CSMD1: variants seen among roughly 807,000 people sequenced by gnomAD.
CSMD1 encodes CUB and Sushi multiple domains 1.
In CSMD1, 213 loss-of-function variants were observed where a neutral mutation model predicts 417.5. The ratio of observed to expected loss-of-function variants is 0.51; its 90% confidence interval spans 0.46 to 0.57. The LOEUF (loss-of-function observed/expected upper bound fraction) is 0.57. Among genes scored for constraint, CSMD1 ranks in the 20% least tolerant of loss-of-function variants. The pLI is 0.00. For missense variants in CSMD1, 6,923 were observed against 4,529.7 expected (o/e 1.53, Z -15.17); for synonymous variants, 2,862 against 1,736.8 (o/e 1.65, Z -16.11).
chr8:3,556,270 C>G (rs1799136527), intron 10 of CSMD1, among the ~76,000 whole-genome samples: 2 of 151,254 alleles, frequency 1.3e-5, no homozygotes, highest in Non-Finnish European at 2.9e-5. Context: ...TAACCACCCT[C>G]ACCTCCCTAC....
intron 7 of CSMD1, among the ~76,000 whole-genome samples, chr8:3,685,941 C>T (rs1799923248): frequency 6.6e-6 from 1 of 151,932 alleles, no homozygotes; most frequent in African/African-American, 2.4e-5. Context: ...TTTAAAAGTA[C>T]AATTATTTTT....
Position 3,436,746 on chromosome 8 carries a change from G to A in CSMD1, c.1562-27141C>T, listed in dbSNP as rs559419255. ...AGTCTTTTCAACACATTGGCAATGA[G>A]CATTTTTAGGAGTAAGGCTTAAAAA... On this transcript the variant is annotated intron_variant, in intron 12 of 69. Coordinates refer to ENST00000635120, the MANE Select transcript of CSMD1 (RefSeq NM_033225.6). Among the ~76,000 whole-genome samples, 4 of 152,204 alleles carry A rather than the reference G, an allele frequency of 2.6e-5. No homozygotes were observed. The East Asian group carries it at 7.7e-4, about 29-fold the overall frequency.
intron 3 of CSMD1, among the ~76,000 whole-genome samples, chr8:4,233,201 T>C (rs1036659019): frequency 6.6e-6 from 1 of 152,210 alleles, no homozygotes; most frequent in Non-Finnish European, 1.5e-5. Context: ...ACATATCATT[T>C]TCTTCAATTT....
chr8:4,240,675 C>T (rs1802345982), intron 3 of CSMD1, among the ~76,000 whole-genome samples: 1 of 152,130 alleles, frequency 6.6e-6, no homozygotes, highest in South Asian at 2.1e-4. Flanking sequence ...CTCCTGGCTC[C>T]CATCCCCTAA....
At chr8:4,441,523 T>G (rs570178427) in intron 2 of CSMD1, among the ~76,000 whole-genome samples, 1 of 152,218 alleles carries the variant, frequency 6.6e-6, no homozygotes, top group African/African-American at 2.4e-5. Context: ...TAAATAACTT[T>G]CAATTTTCAT....
chr8:4,794,842 T>C (rs1220363761), intron 1 of CSMD1, among the ~76,000 whole-genome samples: 1 of 152,088 alleles, frequency 6.6e-6, no homozygotes, highest in Non-Finnish European at 1.5e-5. Flanking sequence ...AAAACTGACC[T>C]CCAAGACAAG....
intron 3 of CSMD1, among the ~76,000 whole-genome samples, chr8:4,052,945 TGA>T (rs1360631374): frequency 6.6e-6 from 1 of 152,180 alleles, no homozygotes; most frequent in African/African-American, 2.4e-5. Context: ...AATGAGGGTC[TGA>T]GAGGTATAAA....
At chr8:3,425,614 A>G (rs1221300798) in intron 12 of CSMD1, among the ~76,000 whole-genome samples, 1 of 151,574 alleles carries the variant, frequency 6.6e-6, no homozygotes, top group East Asian at 1.9e-4. Context: ...AGAAGAAAGA[A>G]AAAAGGAAAA....
chr8:3,339,285 T>G (rs774386886), intron 23 of CSMD1, among the ~76,000 whole-genome samples: 1 of 152,124 alleles, frequency 6.6e-6, no homozygotes, highest in Non-Finnish European at 1.5e-5. Flanking sequence ...TCATCCATTT[T>G]CACAGGCCCT....
At chr8:3,241,612 C>G (rs1799528899) in intron 26 of CSMD1, among the ~76,000 whole-genome samples, 2 of 152,078 alleles carry the variant, frequency 1.3e-5, no homozygotes, top group Non-Finnish European at 2.9e-5. Context: ...ACAGACGGGA[C>G]ACGGTTTAGG....
intron 11 of CSMD1, among the ~76,000 whole-genome samples, chr8:3,480,490 G>A (rs1817681436): frequency 6.6e-6 from 1 of 152,116 alleles, no homozygotes. Flanking sequence ...TCCAAAAGGA[G>A]ACGAGCTAGA....
rs142380754 is a variant in CSMD1 at position 4,541,116 on chromosome 8, A to G, written c.302+96226T>C. On this transcript the variant is annotated intron_variant, in intron 2 of 69. Transcript: ENST00000635120. Reference sequence around the variant, plus strand: ...GCTATTGTCTGGAGAGTTGAGAATTATGAGAACTGATTTTTTTACCACCAA... The same window carrying G: ...GCTATTGTCTGGAGAGTTGAGAATTGTGAGAACTGATTTTTTTACCACCAA... Among the ~76,000 whole-genome samples the G allele has an allele frequency of 2.8e-3, 422 of 152,300 alleles. 2 individuals carry two copies. The highest frequency in any genetic ancestry group is 9.5e-3 in the African/African-American group (395 of 41,574).
rs187057695 is a variant in CSMD1, at chr8:4,832,712, T to C, written c.85+161620A>G. Among the ~76,000 whole-genome samples the C allele has an allele frequency of 4.5e-3, 692 of 152,362 alleles. 3 individuals carry two copies. Among genetic ancestry groups the C allele is most frequent in the Non-Finnish European group, 6.0e-3 (410 of 68,040 alleles). On this transcript the variant is annotated intron_variant, in intron 1 of 69. Coordinates refer to ENST00000635120, the MANE Select transcript of CSMD1 (RefSeq NM_033225.6). ...CAGGTAAATGTAACAAAGATTTCCA[T>C]TTAATTGTTAAGAAATTAAAGTGGA...
chr8:4,938,220 G>T (rs962188347), intron 1 of CSMD1, among the ~76,000 whole-genome samples: 1 of 152,152 alleles, frequency 6.6e-6, no homozygotes, highest in Non-Finnish European at 1.5e-5. Flanking sequence ...TGAAGCTCTG[G>T]AGTGACTGGT....
chr8:3,661,609 GC>G (rs1186467583), intron 7 of CSMD1, among the ~76,000 whole-genome samples: 1 of 151,912 alleles, frequency 6.6e-6, no homozygotes, highest in African/African-American at 2.4e-5. Flanking sequence ...TGATTCTCCC[GC>G]CTCAGCCTCC....
In CSMD1 at chr8:4,615,835, C is replaced by T. The variant is rs966359321; in HGVS notation, c.302+21507G>A. ...TTCCTGATAATCTATCAAAACCTTC[C>T]TTTTTCTGATATATTATTCTTTCAA... On this transcript the variant is annotated intron_variant, in intron 2 of 69. Coordinates refer to ENST00000635120, the MANE Select transcript of CSMD1 (RefSeq NM_033225.6). Among the ~76,000 whole-genome samples, 41 of 152,042 alleles carry T rather than the reference C, an allele frequency of 2.7e-4. 1 individual carries two copies. Among genetic ancestry groups the T allele is most frequent in the Non-Finnish European group, 7.4e-5 (5 of 68,006 alleles).
chr8:3,530,701 T>A (rs1055626672), intron 10 of CSMD1, among the ~76,000 whole-genome samples: 7 of 151,986 alleles, frequency 4.6e-5, no homozygotes, highest in Non-Finnish European at 8.8e-5. Context: ...CAGCTAATTT[T>A]TGTATTTTTA....
intron 2 of CSMD1, among the ~76,000 whole-genome samples, chr8:4,634,195 C>T (rs1328609161): frequency 6.6e-6 from 1 of 151,814 alleles, no homozygotes; most frequent in Non-Finnish European, 1.5e-5. Context: ...TGTGTTTGTA[C>T]TAAAGAAATA....
At chr8:4,765,413 A>G (rs1812399613) in intron 1 of CSMD1, among the ~76,000 whole-genome samples, 4 of 152,210 alleles carry the variant, frequency 2.6e-5, no homozygotes, top group Admixed American at 2.6e-4. Flanking sequence ...ATAGTCTTTC[A>G]AGATAATTCA....
Sources: allele counts gnomAD v4.1 joint callset (sites outside exome capture counted in the v4.1 genomes callset), GRCh38; gene constraint gnomAD v4.1.1; transcripts MANE v1.5; gene names NCBI Gene and HGNC (gene_info 2026-07-23, HGNC 2026-07-21).